CCDC62: variants seen among roughly 807,000 people sequenced by gnomAD.
CCDC62 encodes coiled-coil domain-containing protein 62.
Under a neutral mutation model 80.8 loss-of-function variants are expected in CCDC62, and 72 were observed. The observed-to-expected ratio is 0.89, with a 90% CI of 0.74 to 1.08. CCDC62 has a LOEUF of 1.08. Ranked by LOEUF, CCDC62 falls within the 50% of genes least tolerant of loss-of-function variation. CCDC62 has a pLI of 0.00. For synonymous variants in CCDC62, 286 were observed against 296.5 expected (o/e 0.96, Z 0.36); for missense variants, 704 against 809.4 (o/e 0.87, Z 1.58).
rs754799246 is a variant in CCDC62, at chr12:122,792,053, A to G, written c.704A>G (p.Glu235Gly). The change falls in exon 6 of 13, where the codon GAG becomes GGG. Residue 235 changes from glutamate (E) to glycine (G), a missense_variant. Coordinates refer to ENST00000253079, the MANE Select transcript of CCDC62 (RefSeq NM_201435.5). ...DLNEKTTENN[E>G]QREEIIRLKQ... ...AATGAAAAGACGACAGAAAATAATG[A>G]GCAACGAGAAGAGATCATTCGCCTC... The G allele has an allele frequency of 1.9e-6, 3 of 1,614,056 alleles. No individual in the cohort carries two copies. Among genetic ancestry groups the G allele is most frequent in the Non-Finnish European group, 2.5e-6 (3 of 1,179,928 alleles).
chr12:122,803,217 C>T (rs936324971), intron 9 of CCDC62, among the ~76,000 whole-genome samples: 2 of 152,132 alleles, frequency 1.3e-5, no homozygotes, highest in Non-Finnish European at 1.5e-5. Context: ...TCCGACCGTG[C>T]CTGCCTTTGT....
intron 8 of CCDC62, among the ~76,000 whole-genome samples, chr12:122,798,527 T>C (rs1204155448): frequency 6.6e-6 from 1 of 151,222 alleles, no homozygotes; most frequent in Non-Finnish European, 1.5e-5. Context: ...CGCTTGAACC[T>C]GGGAGGTGGA....
At chr12:122,807,256 G>T (rs1487272878) in intron 10 of CCDC62, among the ~76,000 whole-genome samples, 1 of 152,100 alleles carries the variant, frequency 6.6e-6, no homozygotes, top group Non-Finnish European at 1.5e-5. Flanking sequence ...ACATCGCCAG[G>T]CGCAGTGGCT....
chr12:122,820,081 A>AAAAAAAG (rs1337324784), intron 11 of CCDC62, among the ~76,000 whole-genome samples: 4 of 150,196 alleles, frequency 2.7e-5, no homozygotes, highest in African/African-American at 4.9e-5. Context: ...AAAAAAAAAA[A>AAAAAAAG]AAGAAGAAGA....
At chr12:122,812,797 A>AAGAAAGAG (rs2031987386) in intron 10 of CCDC62, among the ~76,000 whole-genome samples, 2 of 146,600 alleles carry the variant, frequency 1.4e-5, no homozygotes, top group South Asian at 4.5e-4. Context: ...GAAAGAAAGA[A>AAGAAAGAG]AGAAAGAAAG....
chr12:122,826,915 G>T lies in CCDC62; in HGVS notation c.*534G>T, dbSNP rs140885543. ...GACTTTGCTGTGTAAATAGACATAA[G>T]GTGCTTTGATATAAAATATAAAATG... On this transcript the variant is annotated 3_prime_UTR_variant, in exon 13 of 13. Coordinates refer to ENST00000253079, the MANE Select transcript of CCDC62 (RefSeq NM_201435.5). 4.1e-3 allele frequency: 632 copies of T among 153,310 alleles called. 5 individuals carry two copies. The highest frequency in any genetic ancestry group is 0.014 in the African/African-American group (593 of 41,562). The allele number at this position is 153,310 out of a possible 1,614,324, so 9.5% of individuals were successfully genotyped here.
At chr12:122,821,348 G>T (rs1174099077) in intron 11 of CCDC62, among the ~76,000 whole-genome samples, 1 of 152,158 alleles carries the variant, frequency 6.6e-6, no homozygotes, top group Non-Finnish European at 1.5e-5. Flanking sequence ...GAGACAAAGG[G>T]GACCCCACAC....
At chr12:122,782,025 C>CAA (rs370400310) in intron 3 of CCDC62, among the ~76,000 whole-genome samples, 962 of 65,362 alleles carry the variant, frequency 0.015, 19 homozygotes, top group African/African-American at 0.041. Context: ...GCCTGGGTGA[C>CAA]AAAAAAAAAA....
chr12:122,799,539 G>C (rs2031167081), intron 8 of CCDC62, among the ~76,000 whole-genome samples: 1 of 152,222 alleles, frequency 6.6e-6, no homozygotes, highest in African/African-American at 2.4e-5. Flanking sequence ...AACAAGCAGT[G>C]TGGGAATTAA....
intron 2 of CCDC62, among the ~76,000 whole-genome samples, chr12:122,779,459 T>G (rs1053629974): frequency 1.3e-5 from 2 of 151,618 alleles, no homozygotes; most frequent in African/African-American, 4.9e-5. Flanking sequence ...CACCTAAGGG[T>G]CTTGTTAAAA....
chr12:122,781,311 T>C lies in CCDC62; in HGVS notation c.377T>C (p.Leu126Pro). The C allele has an allele frequency of 6.2e-7, 1 of 1,613,384 alleles. No homozygotes were observed. The highest frequency in any genetic ancestry group is 8.5e-7 in the Non-Finnish European group (1 of 1,179,584). Residue 126 changes from leucine to proline, a missense_variant, in exon 3 of 13, where the codon CTT becomes CCT. By Grantham distance (98) the Leu-to-Pro change is moderately conservative. Coordinates refer to ENST00000253079, the MANE Select transcript of CCDC62 (RefSeq NM_201435.5). ...GCTCAAAAGGCAACGCATTCTTCTC[T>C]TCTCTCTGAAGACCTTGAGGTTGGG... is the stretch of plus-strand genomic sequence containing the variant. ...EMAQKATHSS[L>P]LSEDLEARNE...
At position 122,788,896 on chromosome 12, in the gene CCDC62, A is replaced by G; in HGVS notation, c.637A>G (p.Lys213Glu). 4.4e-6 allele frequency: 7 copies of G among 1,604,960 alleles called. No homozygotes were observed. Among genetic ancestry groups the G allele is most frequent in the Non-Finnish European group, 5.9e-6 (7 of 1,177,850 alleles). Residue 213 changes from lysine (K) to glutamate (E), a missense_variant, in exon 5 of 13, where the codon AAG becomes GAG. By Grantham distance (56) the Lys-to-Glu change is moderately conservative. Transcript: ENST00000253079. ...AAAGCAAGATTATAAGCAGAAATTG[A>G]AGGCACTTAAGATTGAAGTCAACAA... ...KEKQDYKQKL[K>E]ALKIEVNKLK...
At chr12:122,792,868 C>T (rs773780620) in intron 6 of CCDC62, among the ~76,000 whole-genome samples, 22 of 152,106 alleles carry the variant, frequency 1.4e-4, no homozygotes, top group Non-Finnish European at 2.4e-4. Context: ...GACCAAGCAG[C>T]GAGTGTTAAT....
In CCDC62 at chr12:122,806,410, T is replaced by TG. The variant is rs899875296; in HGVS notation, c.1851+115_1851+116insG. ...TTATTTTGGCTATTCCTCCGTTTTTTTTTTTTTTTTTTTAATTCTAGGATT... is the reference window on the plus strand; with the variant it reads ...TTATTTTGGCTATTCCTCCGTTTTTTGTTTTTTTTTTTTTAATTCTAGGATT... On this transcript the variant is annotated intron_variant, in intron 10 of 12. Transcript: ENST00000253079. The TG allele has an allele frequency of 6.6e-5, 44 of 670,910 alleles. No homozygotes were observed. The African/African-American group carries it at 7.2e-4, about 11-fold the overall frequency. 41.6% of individuals were successfully genotyped at this position (670,910 alleles called of 1,614,324 possible). A position where few individuals can be genotyped will look rare whatever the true frequency, so the allele number is the denominator to read the frequency against.
chr12:122,787,869 A>G (rs2030365526), intron 4 of CCDC62, among the ~76,000 whole-genome samples: 1 of 152,172 alleles, frequency 6.6e-6, no homozygotes, highest in Non-Finnish European at 1.5e-5. Flanking sequence ...TAGGAATCCC[A>G]GGTTTAAGGC....
At chr12:122,801,018 A>G (rs1307025123) in intron 8 of CCDC62, 106 bp from the exon 9 acceptor site, 3 of 1,224,986 alleles carry the variant, frequency 2.4e-6, no homozygotes, top group Admixed American at 4.7e-5. Flanking sequence ...GTTCAGACAA[A>G]CGAGTCTCAT....
intron 6 of CCDC62, among the ~76,000 whole-genome samples, chr12:122,796,192 C>G (rs767047443): frequency 6.6e-6 from 1 of 151,792 alleles, no homozygotes; most frequent in Admixed American, 6.6e-5. Flanking sequence ...ACCTGCCCTC[C>G]CCCACCGCCC....
Position 122,811,913 on chromosome 12 carries a change from A to T in CCDC62, c.1852-1357A>T, listed in dbSNP as rs372525478. Among the ~76,000 whole-genome samples, 4 of 151,538 alleles carry T rather than the reference A, an allele frequency of 2.6e-5. No individual in the cohort carries two copies. In the South Asian group the frequency reaches 8.3e-4, roughly 31 times the overall value. On this transcript the variant is annotated intron_variant, in intron 10 of 12. Transcript: ENST00000253079. Reference sequence around the variant, plus strand: ...GACTAATTTTCATGCCAAACTTCACATCCCAAAGTTGAAATTTAATAGGAA... The same window carrying T: ...GACTAATTTTCATGCCAAACTTCACTTCCCAAAGTTGAAATTTAATAGGAA...
chr12:122,801,114 G>T lies in CCDC62; in HGVS notation c.978-10G>T. 4 of 1,581,554 alleles carry T rather than the reference G, an allele frequency of 2.5e-6. No homozygotes were observed. Among genetic ancestry groups the T allele is most frequent in the Admixed American group, 2.0e-5 (1 of 51,192 alleles). On this transcript the variant is annotated splice_polypyrimidine_tract_variant and intron_variant, in intron 8 of 12. Coordinates refer to ENST00000253079, the MANE Select transcript of CCDC62 (RefSeq NM_201435.5). ...TTATAACCTCCATTTTTTTTCTAATGCCACCATAGCAGAGACATGTGTTTA... is the reference window on the plus strand; with the variant it reads ...TTATAACCTCCATTTTTTTTCTAATTCCACCATAGCAGAGACATGTGTTTA...
Sources: allele counts gnomAD v4.1 joint callset (sites outside exome capture counted in the v4.1 genomes callset), GRCh38; gene constraint gnomAD v4.1.1; transcripts MANE v1.5; gene names NCBI Gene and HGNC (gene_info 2026-07-23, HGNC 2026-07-21).